The following TOGARAM2 variants were observed in gnomAD, a reference collection of about 807,000 sequenced individuals.
TOGARAM2 encodes TOG array regulator of axonemal microtubules protein 2.
A neutral mutation model predicts 93.3 loss-of-function variants in TOGARAM2; 85 were observed. The observed-to-expected ratio is 0.91, with a 90% CI of 0.76 to 1.09. TOGARAM2 has a LOEUF of 1.09. TOGARAM2 is among the 50% of genes least tolerant of loss of function. The probability of loss-of-function intolerance (pLI) is 0.00; values close to 1 mark genes in which losing one functional copy is unlikely to be tolerated. For synonymous variants in TOGARAM2, 593 were observed against 552.8 expected, an observed-to-expected ratio of 1.07 and a Z score of -1.02; for missense variants, 1,277 against 1,334.5, an observed-to-expected ratio of 0.96 and a Z score of 0.67.
At chr2:29,025,395 T>A (rs1419676387) in intron 13 of TOGARAM2, among the ~76,000 whole-genome samples, 2 of 151,602 alleles carry the variant, frequency 1.3e-5, no homozygotes, top group African/African-American at 4.9e-5. Context: ...TGAATTGTAT[T>A]TTTTTTTTCT....
chr2:29,020,775 G>C (rs1041494246), intron 10 of TOGARAM2, among the ~76,000 whole-genome samples: 1 of 152,212 alleles, frequency 6.6e-6, no homozygotes, highest in Admixed American at 6.5e-5. Context: ...GCCCAGGGAA[G>C]GATGGGGAGG....
chr2:29,010,764 C>G (rs1664197241), intron 6 of TOGARAM2, among the ~76,000 whole-genome samples: 2 of 152,006 alleles, frequency 1.3e-5, no homozygotes, highest in Non-Finnish European at 2.9e-5. Context: ...TGCTCCATTC[C>G]CAGTGTCTAG....
intron 18 of TOGARAM2, among the ~76,000 whole-genome samples, chr2:29,043,355 T>G (rs1666549601): frequency 6.6e-6 from 1 of 152,196 alleles, no homozygotes; most frequent in Non-Finnish European, 1.5e-5. Context: ...GGATGAGCTC[T>G]TAGATAAACT....
chr2:29,044,841 AC>A (rs1483933919), intron 18 of TOGARAM2, among the ~76,000 whole-genome samples: 1 of 151,870 alleles, frequency 6.6e-6, no homozygotes, highest in Non-Finnish European at 1.5e-5. Context: ...TTTAATCCTA[AC>A]CCTTCACTGA....
At chr2:28,996,152 T>C (rs554691463) in intron 2 of TOGARAM2, among the ~76,000 whole-genome samples, 1 of 152,290 alleles carries the variant, frequency 6.6e-6, no homozygotes, top group East Asian at 1.9e-4. Flanking sequence ...ATTTTCTGGG[T>C]GTACATGTGA....
chr2:29,018,979 C>G (rs1664763015), intron 10 of TOGARAM2, among the ~76,000 whole-genome samples: 2 of 152,186 alleles, frequency 1.3e-5, no homozygotes, highest in African/African-American at 4.8e-5. Flanking sequence ...TATTCTATGA[C>G]AAACAATGTT....
At chr2:29,011,918 A>G (rs1664275225) in intron 7 of TOGARAM2, among the ~76,000 whole-genome samples, 1 of 152,208 alleles carries the variant, frequency 6.6e-6, no homozygotes, top group Non-Finnish European at 1.5e-5. Flanking sequence ...TGACACATCA[A>G]GCAGCTGCCC....
rs1286436480 is a variant in TOGARAM2 at position 29,032,321 on chromosome 2, A to G, written c.2013-613A>G. ...TCACACTGTGTTATAGACCTAAATA[A>G]CCCTGTTCCTCCGACGTATCCCAAA... On this transcript the variant is annotated intron_variant, in intron 14 of 19. Transcript: ENST00000379558. Among the ~76,000 whole-genome samples the G allele has an allele frequency of 2.6e-5, 4 of 152,004 alleles. No homozygotes were observed. In the East Asian group the frequency reaches 7.7e-4, roughly 29 times the overall value.
chr2:28,997,471 C>T lies in TOGARAM2; in HGVS notation c.29-672C>T, dbSNP rs1172044844. ...GCTTCTTAATCATTGTGTTCTCCGC[C>T]AGACTTCAAGTCTCACTGAGGACTG... On this transcript the variant is annotated intron_variant, in intron 2 of 19. Transcript: ENST00000379558. Among the ~76,000 whole-genome samples the T allele has an allele frequency of 3.3e-5, 5 of 152,200 alleles. No individual in the cohort carries two copies. In the East Asian group the frequency reaches 9.6e-4, roughly 29 times the overall value.
At position 29,024,344 on chromosome 2, in the gene TOGARAM2, C is replaced by G; in HGVS notation, c.1823C>G (p.Ser608Cys). 1 of 1,610,994 alleles carries G rather than the reference C, an allele frequency of 6.2e-7. No homozygotes were observed. The highest frequency in any genetic ancestry group is 8.5e-7 in the Non-Finnish European group (1 of 1,178,728). ...GTGGAGAATGTGACCCTTGCCCGCT[C>G]CCTGGTGGTCCTCACCTCGGCGGGT... ...AMVENVTLAR[S>C]LVVLTSAGVY... Residue 608 changes from serine to cysteine, a missense_variant, in exon 13 of 20, where the codon TCC becomes TGC. By Grantham distance (112) the Ser-to-Cys change is moderately radical. Coordinates refer to ENST00000379558, the MANE Select transcript of TOGARAM2 (RefSeq NM_199280.4).
chr2:28,976,890 C>T (rs887518897), upstream of TOGARAM2, among the ~76,000 whole-genome samples: 2 of 152,226 alleles, frequency 1.3e-5, no homozygotes, highest in Non-Finnish European at 2.9e-5. Context: ...ACTGACAGGG[C>T]CTTTCAGGCT....
intron 6 of TOGARAM2, among the ~76,000 whole-genome samples, chr2:29,005,756 T>G (rs1322209431): frequency 7.7e-6 from 1 of 130,352 alleles, no homozygotes; most frequent in Non-Finnish European, 1.7e-5. Context: ...TGTGTATGTG[T>G]GTGTGTGAGT....
chr2:29,050,244 G>C (rs1275862048), intron 19 of TOGARAM2: 3 of 152,208 alleles, frequency 2.0e-5, no homozygotes, highest in African/African-American at 7.2e-5. Flanking sequence ...TGTGGTCCCA[G>C]CTACTGGGGA....
chr2:29,035,494 G>T lies in TOGARAM2; in HGVS notation c.2256G>T (p.Gly752=). 6.7e-7 allele frequency: 1 copy of T among 1,487,356 alleles called. No homozygotes were observed. Among genetic ancestry groups the T allele is most frequent in the South Asian group, 1.4e-5 (1 of 71,294 alleles). 92.1% of individuals were successfully genotyped at this position (1,487,356 alleles called of 1,614,324 possible). ...GCTGCAATGGCCCAAGGCTGGTGGG[G>T]CTGCGCTCCACACTGCAGGGCCGCG... The part of the protein sequence containing the change: ...GLSCNGPRLV[G]LRSTLQGRGE... The change falls in exon 17 of 20, where the codon GGG becomes GGT. Residue 752 remains glycine, a synonymous_variant. Transcript: ENST00000379558.
chr2:29,045,424 G>GC lies in TOGARAM2; in HGVS notation c.2722+18dup. 9 of 1,113,198 alleles carry GC rather than the reference G, an allele frequency of 8.1e-6. No homozygotes were observed. The highest frequency in any genetic ancestry group is 1.0e-5 in the Non-Finnish European group (8 of 780,284). The allele number at this position is 1,113,198 out of a possible 1,614,324, so 69.0% of individuals were successfully genotyped here. A position where few individuals can be genotyped will look rare whatever the true frequency, so the allele number is the denominator to read the frequency against. ...ATCGCCTGGCAGGTGAGCACCCCCA[G>GC]CCCCACCCCACCCCATCTCCTGGCA... On this transcript the variant is annotated intron_variant, in intron 19 of 19. Transcript: ENST00000379558.
At chr2:28,990,357 G>T (rs1672661799) in intron 1 of TOGARAM2, among the ~76,000 whole-genome samples, 1 of 152,196 alleles carries the variant, frequency 6.6e-6, no homozygotes, top group South Asian at 2.1e-4. Flanking sequence ...TGAAACTGCA[G>T]GTCAGATAAT....
At chr2:29,051,669 TG>T (rs1667075645) in intron 19 of TOGARAM2, 86 bp from the exon 20 acceptor site, 3 of 1,164,714 alleles carry the variant, frequency 2.6e-6, no homozygotes, top group Non-Finnish European at 2.4e-6. Context: ...GCCAGCCCTT[TG>T]GGGGACAAAG....
Position 29,024,137 on chromosome 2 carries a change from AGGTCACCAACCTGC to A in TOGARAM2, c.1621_1634del (p.Thr541GlnfsTer85). The A allele has an allele frequency of 6.4e-7, 1 of 1,566,808 alleles. No individual in the cohort carries two copies. Among genetic ancestry groups the A allele is most frequent in the Non-Finnish European group, 8.7e-7 (1 of 1,155,512 alleles). ...CTGGAGGGCCTCTCTCCTCTCTCCA[AGGTCACCAACCTGC>A]GGTCCAAGGTGTCTCACCTGGCCAT... On this transcript the variant is annotated splice_acceptor_variant and coding_sequence_variant, in exon 13 of 20. Transcript: ENST00000379558. LOFTEE classifies it high-confidence loss of function.
intron 1 of TOGARAM2, among the ~76,000 whole-genome samples, chr2:28,982,483 G>A (rs777607909): frequency 3.9e-5 from 6 of 152,122 alleles, no homozygotes; most frequent in African/African-American, 7.2e-5. Flanking sequence ...GCAGTCCCTC[G>A]CTCTTCTCAC....
Sources: gnomAD v4.1 joint callset for allele counts (sites outside exome capture counted in the v4.1 genomes callset) on GRCh38, gnomAD v4.1.1 for gene constraint, MANE v1.5 for transcripts, NCBI Gene and HGNC (gene_info 2026-07-23, HGNC 2026-07-21) for gene names.